TRIM63: variants seen among roughly 807,000 people sequenced by gnomAD.
The protein encoded by TRIM63 is tripartite motif containing 63, also known as E3 ubiquitin-protein ligase TRIM63.
In TRIM63, 48 loss-of-function variants were observed where a neutral mutation model predicts 46.0. That is an observed-to-expected ratio of 1.04 (90% CI 0.83 to 1.33). The LOEUF is 1.33. TRIM63 is among the 40% of genes most tolerant of loss of function. The probability of loss-of-function intolerance (pLI) is 0.00; values close to 1 mark genes in which losing one functional copy is unlikely to be tolerated. For synonymous variants in TRIM63, 175 were observed against 162.8 expected (o/e 1.08, Z -0.57); for missense variants, 455 against 441.2 (o/e 1.03, Z -0.28).
At chr1:26,064,033 C>T (rs1375067376) in intron 2 of TRIM63, among the ~76,000 whole-genome samples, 14 of 152,258 alleles carry the variant, frequency 9.2e-5, no homozygotes, top group African/African-American at 2.9e-4. Flanking sequence ...CGGTGGCCCA[C>T]GCCTGTAATG....
rs1434037765 is a variant in TRIM63 at position 26,051,949 on chromosome 1, C to T, written c.1052-66G>A. On this transcript the variant is annotated intron_variant, in intron 8 of 8. Coordinates refer to ENST00000374272, the MANE Select transcript of TRIM63 (RefSeq NM_032588.4). Reference sequence around the variant, plus strand: ...GGGACTCAGGAGGATCCAAGGCTTACCAAGCTACTGTTTATTCAAACAGGA... The same window carrying T: ...GGGACTCAGGAGGATCCAAGGCTTATCAAGCTACTGTTTATTCAAACAGGA... 2.4e-6 allele frequency: 3 copies of T among 1,250,006 alleles called. No individual in the cohort carries two copies. The East Asian group carries it at 8.5e-5, about 35-fold the overall frequency. 77.4% of individuals were successfully genotyped at this position (1,250,006 alleles called of 1,614,324 possible).
intron 4 of TRIM63, among the ~76,000 whole-genome samples, chr1:26,059,792 C>G (rs1262162297): frequency 6.6e-6 from 1 of 152,138 alleles, no homozygotes; most frequent in African/African-American, 2.4e-5. Context: ...GTCTGTGGAC[C>G]CAGCAGCTTG....
At chr1:26,059,291 G>A (rs1027792146) in intron 4 of TRIM63, among the ~76,000 whole-genome samples, 5 of 152,002 alleles carry the variant, frequency 3.3e-5, no homozygotes, top group Non-Finnish European at 5.9e-5. Context: ...CAAAGTGCTG[G>A]GATTATAGGC....
intron 2 of TRIM63, among the ~76,000 whole-genome samples, chr1:26,062,378 A>AT (rs1253609059): frequency 3.3e-5 from 5 of 152,128 alleles, no homozygotes. Flanking sequence ...TAAGAAAACA[A>AT]TTTTTTTAAA....
chr1:26,061,832 T>C (rs1227042392), intron 2 of TRIM63, among the ~76,000 whole-genome samples: 1 of 152,230 alleles, frequency 6.6e-6, no homozygotes, highest in Non-Finnish European at 1.5e-5. Flanking sequence ...TTTATACTGA[T>C]GGCCTCATTT....
Position 26,058,531 on chromosome 1 carries a change from C to T in TRIM63, c.690G>A (p.Arg230=). ...LDEKKSELLQ[R]ITQEQEKKLS... The stretch of plus-strand genomic sequence containing the variant: ...GCTTTTTCTCCTGCTCCTGCGTGAT[C>T]CGCTGCAGCAACTCACTTTTCTTCT... The change falls in exon 5 of 9, where the codon CGG becomes CGA. Residue 230 remains arginine (R), a synonymous_variant. Coordinates refer to ENST00000374272, the MANE Select transcript of TRIM63 (RefSeq NM_032588.4). The T allele has an allele frequency of 1.2e-6, 2 of 1,614,212 alleles. No individual in the cohort carries two copies. Among genetic ancestry groups the T allele is most frequent in the South Asian group, 2.2e-5 (2 of 91,088 alleles).
chr1:26,054,672 A>G (rs1291869243), intron 7 of TRIM63, among the ~76,000 whole-genome samples: 1 of 152,148 alleles, frequency 6.6e-6, no homozygotes, highest in Non-Finnish European at 1.5e-5. Flanking sequence ...AACATTTGTC[A>G]AGAGTATCTT....
intron 5 of TRIM63, among the ~76,000 whole-genome samples, chr1:26,057,992 C>T (rs1266728582): frequency 6.6e-6 from 1 of 152,188 alleles, no homozygotes; most frequent in East Asian, 1.9e-4. Context: ...AAGCCTAGAA[C>T]ATTTTTATTG....
rs115264208 is a variant in TRIM63 at position 26,059,469 on chromosome 1, C to A, written c.597+797G>T. ...TCGGGAAGCTCTGCATCATTTGGTC[C>A]TAGGAGAGGTGGAAAAACAGCTCCT... On this transcript the variant is annotated intron_variant, in intron 4 of 8. Transcript: ENST00000374272. 4.1e-3 allele frequency among the ~76,000 whole-genome samples: 626 copies of A among 152,254 alleles called. 9 individuals carry two copies. Among genetic ancestry groups the A allele is most frequent in the African/African-American group, 0.014 (587 of 41,538 alleles).
Position 26,060,498 on chromosome 1 carries a change from T to G in TRIM63, c.502-137A>C. On this transcript the variant is annotated intron_variant, in intron 3 of 8. Coordinates refer to ENST00000374272, the MANE Select transcript of TRIM63 (RefSeq NM_032588.4). Reference sequence around the variant, plus strand: ...CCTCCAGTAGGGATCTGGCCCCTCTTTCGGGTATAGCTCAGCTCCAGAGTA... The same window carrying G: ...CCTCCAGTAGGGATCTGGCCCCTCTGTCGGGTATAGCTCAGCTCCAGAGTA... 4.7e-6 allele frequency: 3 copies of G among 640,456 alleles called. No individual in the cohort carries two copies. In the South Asian group the frequency reaches 5.4e-5, roughly 12 times the overall value. The allele number at this position is 640,456 out of a possible 1,614,324, so 39.7% of individuals were successfully genotyped here. A position where few individuals can be genotyped will look rare whatever the true frequency, so the allele number is the denominator to read the frequency against.
rs117577030 is a variant in TRIM63 at position 26,058,576 on chromosome 1, C to T, written c.645G>A (p.Thr215=). ...VKEELSQKFD[T]LYAILDEKKS... ...TCTTCTCATCCAGGATGGCATACAA[C>T]GTGTCAAACTTCTGGCTCAGCTCTT... Residue 215 remains threonine, a synonymous_variant, in exon 5 of 9, where the codon ACG becomes ACA. Coordinates refer to ENST00000374272, the MANE Select transcript of TRIM63 (RefSeq NM_032588.4). 9.3e-6 allele frequency: 15 copies of T among 1,614,176 alleles called. No individual in the cohort carries two copies. Among genetic ancestry groups the T allele is most frequent in the East Asian group, 8.9e-5 (4 of 44,890 alleles).
At chr1:26,052,369 C>A (rs547991401) in intron 8 of TRIM63, among the ~76,000 whole-genome samples, 2,120 of 152,304 alleles carry the variant, frequency 0.014, 57 homozygotes, top group African/African-American at 0.048. Context: ...CAGATGCCTA[C>A]AAGGAGCCAG....
At position 26,051,872 on chromosome 1, in the gene TRIM63, C is replaced by T. The variant is rs571029682; in HGVS notation, c.*1G>A. On this transcript the variant is annotated 3_prime_UTR_variant, in exon 9 of 9. Transcript: ENST00000374272. ...TGGGGGCCTCTCATTCATCCAGCTC[C>T]TTACTGGTGTCCTGAAATGAAGAAA... The T allele has an allele frequency of 1.5e-6, 2 of 1,330,110 alleles. No homozygotes were observed. Among genetic ancestry groups the T allele is most frequent in the African/African-American group, 1.5e-5 (1 of 66,572 alleles). The allele number at this position is 1,330,110 out of a possible 1,614,324, so 82.4% of individuals were successfully genotyped here.
intron 7 of TRIM63, among the ~76,000 whole-genome samples, chr1:26,054,489 C>T (rs780114326): frequency 2.0e-4 from 30 of 152,156 alleles, no homozygotes; most frequent in Non-Finnish European, 3.7e-4. Context: ...GCCACCTCTG[C>T]TCCCTGAAGC....
chr1:26,053,732 A>G (rs550111463), intron 8 of TRIM63, among the ~76,000 whole-genome samples, 161 bp downstream of exon 8: 1 of 152,266 alleles, frequency 6.6e-6, no homozygotes, highest in East Asian at 1.9e-4. Flanking sequence ...CTAAGGGTAA[A>G]GAGAACAGGA....
rs1248647026 is a variant in TRIM63, at chr1:26,057,207, C to A, written c.975G>T (p.Gly325=). 1.9e-6 allele frequency: 3 copies of A among 1,614,152 alleles called. No homozygotes were observed. ...IADALRAIDF[G]TDEEEEEFIE... ...TGGCATCACCACCTCCTTTACCTGT[C>A]CCAAAGTCAATGGCTCTCAGGGCGT... Residue 325 remains glycine, a synonymous_variant, in exon 7 of 9, where the codon GGG becomes GGT. Transcript: ENST00000374272.
At chr1:26,053,697 G>T (rs1381840949) in intron 8 of TRIM63, among the ~76,000 whole-genome samples, 196 bp downstream of exon 8, 1 of 152,196 alleles carries the variant, frequency 6.6e-6, no homozygotes, top group African/African-American at 2.4e-5. Flanking sequence ...ATTTTATTAT[G>T]AATAGTTTGG....
chr1:26,060,145 C>T, intron 4 of TRIM63, 121 bp downstream of exon 4: 3 of 725,038 alleles, frequency 4.1e-6, no homozygotes, highest in Non-Finnish European at 7.1e-6. Context: ...GCCATCCCTG[C>T]TTGACCGCCC....
At chr1:26,061,979 T>G (rs1006131984) in intron 2 of TRIM63, among the ~76,000 whole-genome samples, 1 of 151,924 alleles carries the variant, frequency 6.6e-6, no homozygotes, top group African/African-American at 2.4e-5. Context: ...AAAGAATAAA[T>G]CAATAAGGCT....
Sources: gnomAD v4.1 joint callset for allele counts (sites outside exome capture counted in the v4.1 genomes callset) on GRCh38, gnomAD v4.1.1 for gene constraint, MANE v1.5 for transcripts, NCBI Gene and HGNC (gene_info 2026-07-23, HGNC 2026-07-21) for gene names.